The following CDK14 variants were observed in gnomAD, a reference collection of about 807,000 sequenced individuals.
The protein encoded by CDK14 is cyclin dependent kinase 14.
CDK14 carries 34 observed loss-of-function variants against 60.7 expected under a neutral mutation model. The ratio of observed to expected loss-of-function variants is 0.56; its 90% confidence interval spans 0.43 to 0.75. The LOEUF is 0.75. Among genes scored for constraint, CDK14 ranks in the 30% least tolerant of loss-of-function variants. The pLI is 0.00. For missense variants in CDK14, 482 were observed against 564.1 expected, an observed-to-expected ratio of 0.85 and a Z score of 1.47; for synonymous variants, 197 against 203.7, an observed-to-expected ratio of 0.97 and a Z score of 0.28.
At chr7:90,935,713 T>C (rs1793732485) in intron 8 of CDK14, among the ~76,000 whole-genome samples, 1 of 152,184 alleles carries the variant, frequency 6.6e-6, no homozygotes, top group Non-Finnish European at 1.5e-5. Flanking sequence ...TTATAAGTAA[T>C]ATATGTGCCT....
intron 4 of CDK14, among the ~76,000 whole-genome samples, chr7:90,752,221 C>A (rs1396173475): frequency 6.6e-6 from 1 of 151,994 alleles, no homozygotes; most frequent in Non-Finnish European, 1.5e-5. Context: ...ACAGAATATA[C>A]ATTCTTCTCA....
intron 2 of CDK14, among the ~76,000 whole-genome samples, chr7:90,633,243 T>A (rs1370462301): frequency 6.6e-6 from 1 of 152,220 alleles, no homozygotes; most frequent in Non-Finnish European, 1.5e-5. Context: ...AGGATGTTAG[T>A]CTGTCTCAAA....
intron 10 of CDK14, among the ~76,000 whole-genome samples, chr7:91,017,113 G>T (rs1278368522): frequency 1.3e-5 from 2 of 152,060 alleles, no homozygotes; most frequent in African/African-American, 4.8e-5. Flanking sequence ...AAGTACACAG[G>T]TCTATTTTCT....
chr7:90,895,291 G>A, intron 6 of CDK14, among the ~76,000 whole-genome samples: 1 of 140,386 alleles, frequency 7.1e-6, no homozygotes. Flanking sequence ...AATTTTAGTT[G>A]TCACTTTTCC....
chr7:90,607,805 C>T (rs925000840), intron 2 of CDK14, among the ~76,000 whole-genome samples: 8 of 152,164 alleles, frequency 5.3e-5, no homozygotes, highest in Non-Finnish European at 7.3e-5. Context: ...TATTTGGTCC[C>T]TGACTACAAT....
chr7:91,135,000 A>G (rs1439986179), intron 14 of CDK14, among the ~76,000 whole-genome samples: 2 of 152,198 alleles, frequency 1.3e-5, no homozygotes, highest in Non-Finnish European at 2.9e-5. Flanking sequence ...ATGTATTTAC[A>G]TATTTGTATA....
At chr7:91,126,903 G>A (rs1444840266) in intron 14 of CDK14, among the ~76,000 whole-genome samples, 2 of 151,802 alleles carry the variant, frequency 1.3e-5, no homozygotes, top group East Asian at 1.9e-4. Flanking sequence ...TGGAATGATT[G>A]GCAGGTTAGA....
intron 8 of CDK14, among the ~76,000 whole-genome samples, chr7:90,941,762 G>A (rs1431103265): frequency 6.6e-6 from 1 of 152,104 alleles, no homozygotes; most frequent in Non-Finnish European, 1.5e-5. Context: ...CATGGGCCCT[G>A]CGAGTTTGCA....
At chr7:90,777,536 A>C (rs1167146253) in intron 4 of CDK14, among the ~76,000 whole-genome samples, 1 of 152,164 alleles carries the variant, frequency 6.6e-6, no homozygotes, top group Non-Finnish European at 1.5e-5. Flanking sequence ...ACTTTACCCC[A>C]CACCAGTTAA....
At chr7:90,683,909 T>C (rs1212413738) in intron 2 of CDK14, among the ~76,000 whole-genome samples, 1 of 146,724 alleles carries the variant, frequency 6.8e-6, no homozygotes, top group Non-Finnish European at 1.5e-5. Flanking sequence ...TGTGTGTGTG[T>C]GTGTGTGTGT....
At chr7:90,608,242 G>T (rs1365721780) in intron 2 of CDK14, among the ~76,000 whole-genome samples, 1 of 152,100 alleles carries the variant, frequency 6.6e-6, no homozygotes, top group Non-Finnish European at 1.5e-5. Flanking sequence ...ACTACACTAT[G>T]ATTTCTGGTG....
intron 12 of CDK14, among the ~76,000 whole-genome samples, chr7:91,086,089 G>T (rs537087551): frequency 6.6e-6 from 1 of 152,336 alleles, no homozygotes; most frequent in East Asian, 1.9e-4. Context: ...ATGCTCGTCA[G>T]TGTAATACAA....
chr7:91,013,656 G>GGTTTTTTTTTTTTTTTTTTTTTT (rs1562868451), intron 10 of CDK14, among the ~76,000 whole-genome samples: 1 of 123,384 alleles, frequency 8.1e-6, no homozygotes. Flanking sequence ...CATTGCCTCT[G>GGTTTTTTTTTTTTTTTTTTTTTT]TTTTTTTTTT....
At chr7:90,866,221 C>CACACGT (rs1791175524) in intron 6 of CDK14, among the ~76,000 whole-genome samples, 1 of 131,230 alleles carries the variant, frequency 7.6e-6, no homozygotes, top group African/African-American at 2.9e-5. Flanking sequence ...CTGAAATACA[C>CACACGT]ACACATACAC....
rs146226640 is a variant in CDK14 at position 90,651,567 on chromosome 7, A to T, written c.123+47318A>T. Among the ~76,000 whole-genome samples the T allele has an allele frequency of 2.4e-3, 373 of 152,262 alleles. 2 individuals carry two copies. The highest frequency in any genetic ancestry group is 7.3e-3 in the South Asian group (35 of 4,826). On this transcript the variant is annotated intron_variant, in intron 2 of 14. Transcript: ENST00000380050. The stretch of plus-strand genomic sequence containing the variant: ...ATTAAATTCCTTCCATTTAAAATAC[A>T]TAATGTGTGAGGCTTCTGCTTTCCA...
chr7:90,828,585 T>C (rs2374367), intron 5 of CDK14, among the ~76,000 whole-genome samples: 41,402 of 151,856 alleles, frequency 0.27, 5,880 homozygotes, highest in Middle Eastern at 0.36. Context: ...TACCGAATTC[T>C]CCAGATCTCT....
chr7:91,116,348 C>T (rs1242162949), intron 13 of CDK14, among the ~76,000 whole-genome samples: 2 of 152,160 alleles, frequency 1.3e-5, no homozygotes, highest in Admixed American at 1.3e-4. Flanking sequence ...ATCAGACCAC[C>T]TGGATTGCAG....
intron 6 of CDK14, among the ~76,000 whole-genome samples, chr7:90,873,961 A>G (rs540813958): frequency 6.6e-6 from 1 of 152,296 alleles, no homozygotes; most frequent in East Asian, 1.9e-4. Context: ...TTAGCATGTT[A>G]ATATAAATCT....
chr7:90,902,968 T>C (rs1792564899), intron 7 of CDK14, among the ~76,000 whole-genome samples: 1 of 152,044 alleles, frequency 6.6e-6, no homozygotes, highest in Non-Finnish European at 1.5e-5. Context: ...ATACAAATGG[T>C]GCATAGGTAG....
Sources: allele counts gnomAD v4.1 joint callset (sites outside exome capture counted in the v4.1 genomes callset), GRCh38; gene constraint gnomAD v4.1.1; transcripts MANE v1.5; gene names NCBI Gene and HGNC (gene_info 2026-07-23, HGNC 2026-07-21).